The following CASKIN2 variants were observed in gnomAD, a reference collection of about 807,000 sequenced individuals.
CASKIN2 encodes the protein caskin-2.
Under a neutral mutation model 107.1 loss-of-function variants are expected in CASKIN2, and 41 were observed. The ratio of observed to expected loss-of-function variants is 0.38; its 90% CI spans 0.30 to 0.50. The LOEUF is 0.50. Among genes scored for constraint, CASKIN2 ranks in the 20% least tolerant of loss-of-function variants. CASKIN2 has a pLI of 0.92. For synonymous variants in CASKIN2, 724 were observed against 705.6 expected, an observed-to-expected ratio of 1.03 and a Z score of -0.41; for missense variants, 1,546 against 1,657.4, an observed-to-expected ratio of 0.93 and a Z score of 1.17.
At chr17:75,514,815 C>A (rs1021232848) in intron 1 of CASKIN2, among the ~76,000 whole-genome samples, 3 of 152,214 alleles carry the variant, frequency 2.0e-5, no homozygotes, top group African/African-American at 7.2e-5. Context: ...GACCCGCCCT[C>A]GCCCCTTGTG....
chr17:75,507,158 G>A (rs1199054351), intron 4 of CASKIN2, 29 bp from the exon 5 acceptor site: 1 of 1,594,746 alleles, frequency 6.3e-7, no homozygotes, highest in Non-Finnish European at 8.5e-7. Flanking sequence ...TTCTGAGGGA[G>A]GTCCTGGGAC....
Position 75,502,492 on chromosome 17 carries a change from A to G in CASKIN2, c.2582T>C (p.Leu861Pro), listed in dbSNP as rs1438751565. The G allele has an allele frequency of 1.4e-6, 2 of 1,455,468 alleles. No homozygotes were observed. The highest frequency in any genetic ancestry group is 1.8e-6 in the Non-Finnish European group (2 of 1,099,688). The allele number at this position is 1,455,468 out of a possible 1,614,324, so 90.2% of individuals were successfully genotyped here. The change falls in exon 18 of 20, where the codon CTG becomes CCG. Residue 861 changes from leucine (L) to proline (P), a missense_variant. By Grantham distance (98) the Leu-to-Pro change is moderately conservative. Around this residue, in one of 6 missense-constraint regions of CASKIN2, gnomAD observed 1,311 missense variants for 1,311.0 expected, o/e 1.00. Transcript: ENST00000321617. The surrounding 1 kb of genome is among the most constrained non-coding windows in gnomAD (Gnocchi z 4.3). Reference sequence around the variant, plus strand: ...CGGGGGGCCTTTGCGCCGGGCCCGCAGGGCAAAGGACTGGCTGCGAGGAGT... The same window carrying G: ...CGGGGGGCCTTTGCGCCGGGCCCGCGGGGCAAAGGACTGGCTGCGAGGAGT... ...RGTPRSQSFA[L>P]RARRKGPPPP...
intron 1 of CASKIN2, among the ~76,000 whole-genome samples, chr17:75,514,518 G>A (rs558439456): frequency 1.3e-5 from 2 of 152,252 alleles, no homozygotes; most frequent in African/African-American, 2.4e-5. Context: ...GGGGCAGGCC[G>A]GGCCAGCAGC....
intron 2 of CASKIN2, chr17:75,509,596 T>G (rs2053300116): frequency 2.0e-6 from 2 of 985,524 alleles, no homozygotes; most frequent in South Asian, 4.7e-5. Flanking sequence ...TCCATTTTCC[T>G]CCAGTCCCCT....
rs764898186 is a variant in CASKIN2 at position 75,505,823 on chromosome 17, C to T, written c.833G>A (p.Arg278Gln). The T allele has an allele frequency of 6.8e-6, 11 of 1,613,020 alleles. No individual in the cohort carries two copies. The highest frequency in any genetic ancestry group is 5.5e-5 in the South Asian group (5 of 91,044). Residue 278 changes from arginine (R) to glutamine (Q), a missense_variant and splice_region_variant, in exon 9 of 20, where the codon CGG becomes CAG. Arg to Gln is a conservative substitution (Grantham distance 43). This residue lies in a region of CASKIN2 where 1,311 missense variants were observed against 1,311.0 expected (regional missense o/e 1.00). Transcript: ENST00000321617. The surrounding 1 kb of genome is among the most constrained non-coding windows in gnomAD (Gnocchi z 5.1). The stretch of plus-strand genomic sequence containing the variant: ...AGGGTATCCTCCCCCGCACTCACCC[C>T]GCAGTAGCTGCTTGATTTCCCGGCT... ...QASREIKQLL[R>Q]EASGILKVRA...
rs552695663 is a variant in CASKIN2 at position 75,507,887 on chromosome 17, C to T, written c.147-206G>A. On this transcript the variant is annotated intron_variant, in intron 3 of 19. Coordinates refer to ENST00000321617, the MANE Select transcript of CASKIN2 (RefSeq NM_020753.5). ...TGCACTGAGAGGCCCGTTTGTCTCG[C>T]CCCCCCGCCTCCCAGCTGGCCCAGG... The T allele has an allele frequency of 5.4e-5, 31 of 573,722 alleles. No homozygotes were observed. In the African/African-American group the frequency reaches 5.8e-4, roughly 11 times the overall value. 35.5% of individuals were successfully genotyped at this position (573,722 alleles called of 1,614,324 possible).
Position 75,502,971 on chromosome 17 carries a change from G to A in CASKIN2, c.2103C>T (p.Ile701=), listed in dbSNP as rs756428765. 33 of 1,599,898 alleles carry A rather than the reference G, an allele frequency of 2.1e-5. No homozygotes were observed. Among genetic ancestry groups the A allele is most frequent in the African/African-American group, 6.7e-5 (5 of 74,624 alleles). ...PPARSPSQES[I]GARSRGSGHS... ...GGCCAGACCCCCGTGAGCGTGCCCC[G>A]ATGCTCTCCTGGCTGGGAGAGCGGG... The change falls in exon 18 of 20, where the codon ATC becomes ATT. Residue 701 remains isoleucine (I), a synonymous_variant. Transcript: ENST00000321617. The surrounding 1 kb of genome is among the most constrained non-coding windows in gnomAD (Gnocchi z 4.3).
In CASKIN2 at chr17:75,503,742, C is replaced by T. The variant is rs1369172946; in HGVS notation, c.1597G>A (p.Val533Met). Residue 533 changes from valine to methionine, a missense_variant, in exon 16 of 20, where the codon GTG becomes ATG. Transcript: ENST00000321617. ...TTCTTCCTGTGCCCAGGCTTGGTCA[C>T]CCCGATGGCCGTCAGGTCCTGCCAC... Reference protein sequence around the residue: ...MTPEDLTAIGVTKPGHRKKIA... With the variant: ...MTPEDLTAIGMTKPGHRKKIA... The T allele has an allele frequency of 5.6e-6, 9 of 1,612,300 alleles. No homozygotes were observed. Among genetic ancestry groups the T allele is most frequent in the Non-Finnish European group, 7.6e-6 (9 of 1,179,988 alleles).
At position 75,505,667 on chromosome 17, in the gene CASKIN2, G is replaced by GGGGGACAGGTGTCATCTAA; in HGVS notation, c.836-35_836-17dup. ...CCTGAGGCCTCTAAGAAAACGGGGT[G>GGGGGACAGGTGTCATCTAA]GGGGACAGGTGTCATCTAAGGGTCC... On this transcript the variant is annotated splice_polypyrimidine_tract_variant and intron_variant, in intron 9 of 19. Transcript: ENST00000321617. The surrounding 1 kb of genome is among the most constrained non-coding windows in gnomAD (Gnocchi z 5.1). 1 of 1,609,436 alleles carries GGGGGACAGGTGTCATCTAA rather than the reference G, an allele frequency of 6.2e-7. No individual in the cohort carries two copies.
Position 75,502,020 on chromosome 17 carries a change from G to A in CASKIN2, c.3054C>T (p.Pro1018=), listed in dbSNP as rs767989053. Residue 1018 remains proline, a synonymous_variant, in exon 18 of 20, where the codon CCC becomes CCT. Coordinates refer to ENST00000321617, the MANE Select transcript of CASKIN2 (RefSeq NM_020753.5). The surrounding 1 kb of genome is among the most constrained non-coding windows in gnomAD (Gnocchi z 4.3). The stretch of plus-strand genomic sequence containing the variant: ...GAGTTGGGGAAGGCAGTGGGGCAGC[G>A]GGGCCAGGCGTGGCACTGGCCACTC... ...AFGVASATPG[P]AAPLPSPTPG... is the part of the protein sequence containing the mutation. The A allele has an allele frequency of 6.5e-5, 105 of 1,612,552 alleles. No individual in the cohort carries two copies. The highest frequency in any genetic ancestry group is 8.1e-5 in the Non-Finnish European group (96 of 1,179,858).
At chr17:75,503,812 C>T (rs1292109332) in intron 15 of CASKIN2, 40 bp downstream of exon 15, 16 of 1,610,518 alleles carry the variant, frequency 9.9e-6, no homozygotes, top group Non-Finnish European at 7.6e-6. Flanking sequence ...CTGGGCCCTC[C>T]CCCGCCCGCT....
rs1260796563 is a variant in CASKIN2 at position 75,502,504 on chromosome 17, T to A, written c.2570A>T (p.Gln857Leu). 1 of 1,466,770 alleles carries A rather than the reference T, an allele frequency of 6.8e-7. No homozygotes were observed. 90.9% of individuals were successfully genotyped at this position (1,466,770 alleles called of 1,614,324 possible). A position where few individuals can be genotyped will look rare whatever the true frequency, so the allele number is the denominator to read the frequency against. ...GCGCCGGGCCCGCAGGGCAAAGGAC[T>A]GGCTGCGAGGAGTCCCCCGAGCTGG... The part of the protein sequence containing the change: ...PTPARGTPRS[Q>L]SFALRARRKG... Residue 857 changes from glutamine (Q) to leucine (L), a missense_variant, in exon 18 of 20, where the codon CAG becomes CTG. Coordinates refer to ENST00000321617, the MANE Select transcript of CASKIN2 (RefSeq NM_020753.5). This position sits in a 1 kb window ranked among gnomAD's most constrained non-coding sequence, Gnocchi z 4.3.
chr17:75,501,298 T>G (rs1162679703), intron 19 of CASKIN2, 128 bp from the exon 20 acceptor site: 7 of 1,186,412 alleles, frequency 5.9e-6, no homozygotes, highest in Non-Finnish European at 8.3e-6. Flanking sequence ...CTGTGCCTCT[T>G]AAATGGTAGC....
Position 75,503,026 on chromosome 17 carries a change from C to T in CASKIN2, c.2048G>A (p.Gly683Asp). Residue 683 changes from glycine (G) to aspartate (D), a missense_variant, in exon 18 of 20, where the codon GGT (glycine) becomes GAT (aspartate). Physicochemically the swap from Gly to Asp is moderately conservative, Grantham distance 94. This residue lies in a region of CASKIN2 where 1,311 missense variants were observed against 1,311.0 expected (regional missense o/e 1.00). Coordinates refer to ENST00000321617, the MANE Select transcript of CASKIN2 (RefSeq NM_020753.5). ...TGGGAGGGGGAGTGGTTCAGGGCCA[C>T]CCCCTGCCATGGCCGCCTGTAGCTC... is the stretch of plus-strand genomic sequence containing the variant. The part of the protein sequence containing the change: ...SPELQAAMAG[G>D]GPEPLPLPPA... 1 of 1,605,876 alleles carries T rather than the reference C, an allele frequency of 6.2e-7. No homozygotes were observed. The highest frequency in any genetic ancestry group is 8.5e-7 in the Non-Finnish European group (1 of 1,178,712).
Position 75,503,226 on chromosome 17 carries a change from C to A in CASKIN2, c.1848G>T (p.Val616=). Residue 616 remains valine (V), a synonymous_variant, in exon 18 of 20, where the codon GTG becomes GTT. Transcript: ENST00000321617. ...CCCGCCGAAGCTCCGCCAGCCGCTT[C>A]ACCCCCAGCATGAGCTTCTTCTGAT... ...LGHQKKLMLG[V]KRLAELRRGL... 1 of 1,596,242 alleles carries A rather than the reference C, an allele frequency of 6.3e-7. No individual in the cohort carries two copies.
chr17:75,505,772 C>A lies in CASKIN2; in HGVS notation c.835+49G>T. On this transcript the variant is annotated intron_variant, in intron 9 of 19. Coordinates refer to ENST00000321617, the MANE Select transcript of CASKIN2 (RefSeq NM_020753.5). The surrounding 1 kb of genome is among the most constrained non-coding windows in gnomAD (Gnocchi z 5.1). ...ACTCCCCCTCCACATCCTGGTACCA[C>A]TTGAGCGGCCCCAGGCCCCCTGGGC... is the stretch of plus-strand genomic sequence containing the variant. 1 of 1,593,264 alleles carries A rather than the reference C, an allele frequency of 6.3e-7. No homozygotes were observed. The highest frequency in any genetic ancestry group is 8.6e-7 in the Non-Finnish European group (1 of 1,165,066).
In CASKIN2 at chr17:75,503,845, C is replaced by A; in HGVS notation, c.1578+7G>T. ...GCTGGGTGCTGCTTCCCGGCTGCAG[C>A]ACCCACCTCAGGTGTCATGCGGCTG... On this transcript the variant is annotated splice_region_variant and intron_variant, in intron 15 of 19. Coordinates refer to ENST00000321617, the MANE Select transcript of CASKIN2 (RefSeq NM_020753.5). 6.2e-7 allele frequency: 1 copy of A among 1,612,416 alleles called. No homozygotes were observed. The highest frequency in any genetic ancestry group is 1.1e-5 in the South Asian group (1 of 91,052).
rs1376420003 is a variant in CASKIN2 at position 75,502,361 on chromosome 17, G to A, written c.2713C>T (p.Arg905Ter). ...GGGCCAGCAGGTTCACTCAGTGTTC[G>A]CCTTCGGGGCCCTGTGGCCCCTTCC... Reference protein sequence around the residue: ...PKEGATGPRRRTLSEPAGPSE... With the variant: ...PKEGATGPRR The change falls in exon 18 of 20, where the codon CGA becomes TGA. Residue 905 changes from arginine to a stop codon, truncating the protein, a stop_gained. Coordinates refer to ENST00000321617, the MANE Select transcript of CASKIN2 (RefSeq NM_020753.5). LOFTEE classifies it high-confidence loss of function. The surrounding 1 kb of genome is among the most constrained non-coding windows in gnomAD (Gnocchi z 4.3). 2 of 1,480,234 alleles carry A rather than the reference G, an allele frequency of 1.4e-6. No homozygotes were observed. The highest frequency in any genetic ancestry group is 1.4e-5 in the South Asian group (1 of 70,670). 91.7% of individuals were successfully genotyped at this position (1,480,234 alleles called of 1,614,324 possible).
At position 75,502,218 on chromosome 17, in the gene CASKIN2, A is replaced by G. The variant is rs762995689; in HGVS notation, c.2856T>C (p.Phe952=). ...SRGSSGEGLP[F]AEEGNLTIKQ... is the part of the protein sequence containing the mutation. ...TGATGGTCAGGTTCCCTTCCTCTGC[A>G]AACGGCAGCCCTTCCCCAGAGCTGC... The change falls in exon 18 of 20, where the codon TTT becomes TTC. Residue 952 remains phenylalanine, a synonymous_variant. Transcript: ENST00000321617. This position sits in a 1 kb window ranked among gnomAD's most constrained non-coding sequence, Gnocchi z 4.3. 7 of 1,589,736 alleles carry G rather than the reference A, an allele frequency of 4.4e-6. No homozygotes were observed. In the South Asian group the frequency reaches 5.6e-5, roughly 13 times the overall value.
Sources: gnomAD v4.1 joint callset for allele counts (sites outside exome capture counted in the v4.1 genomes callset) on GRCh38, gnomAD v4.1.1 for gene constraint, gnomAD v4.1.1 regional missense constraint, Gnocchi (gnomAD v3.1) non-coding constraint, MANE v1.5 for transcripts, NCBI Gene and HGNC (gene_info 2026-07-23, HGNC 2026-07-21) for gene names.